Variants in DLGAP2 observed in about 807,000 individuals in gnomAD.
DLGAP2 encodes the protein DLG associated protein 2, also known as disks large-associated protein 2.
In DLGAP2, 26 loss-of-function variants were observed where a neutral mutation model predicts 100.3. The ratio of observed to expected loss-of-function variants is 0.26; its 90% CI spans 0.19 to 0.36. The LOEUF is 0.36. Among genes scored for constraint, DLGAP2 ranks in the 10% least tolerant of loss-of-function variants. The probability of loss-of-function intolerance (pLI) is 1.00; values close to 1 mark genes in which losing one functional copy is unlikely to be tolerated. For missense variants in DLGAP2, 1,858 were observed against 1,453.2 expected, an observed-to-expected ratio of 1.28 and a Z score of -4.53; for synonymous variants, 886 against 630.1, an observed-to-expected ratio of 1.41 and a Z score of -6.08.
intron 8 of DLGAP2, among the ~76,000 whole-genome samples, chr8:1,633,662 C>G (rs1282508333): frequency 6.6e-6 from 1 of 152,128 alleles, no homozygotes; most frequent in Non-Finnish European, 1.5e-5. Context: ...ATTTCTATAA[C>G]ACGATGAATA....
At chr8:1,283,084 A>C (rs1453287118) in intron 3 of DLGAP2, among the ~76,000 whole-genome samples, 3 of 145,890 alleles carry the variant, frequency 2.1e-5, no homozygotes, top group Non-Finnish European at 4.5e-5. Context: ...AAGCATCCAG[A>C]CGTGGTGTGA....
intron 2 of DLGAP2, among the ~76,000 whole-genome samples, chr8:1,172,659 C>A (rs949797235): frequency 9.8e-5 from 15 of 152,296 alleles, no homozygotes; most frequent in African/African-American, 3.6e-4. Flanking sequence ...GATACCCTTT[C>A]TTCCAGTTGA....
At chr8:1,274,392 AGAATATAAACCATAAAATGAGTGACTTT>A (rs1426564647) in intron 3 of DLGAP2, among the ~76,000 whole-genome samples, 7 of 152,168 alleles carry the variant, frequency 4.6e-5, no homozygotes, top group African/African-American at 1.7e-4. Flanking sequence ...AACATGTATA[AGAATATAAACCATAAAATGAGTGACTTT>A]GGATTTGTTT....
intron 1 of DLGAP2, among the ~76,000 whole-genome samples, chr8:817,882 G>A (rs1173578781): frequency 1.3e-5 from 2 of 152,194 alleles, no homozygotes; most frequent in African/African-American, 2.4e-5. Context: ...GGAATGAAAT[G>A]GACTCTGTGA....
At chr8:1,129,780 T>C (rs1796247352) in intron 2 of DLGAP2, among the ~76,000 whole-genome samples, 1 of 152,174 alleles carries the variant, frequency 6.6e-6, no homozygotes, top group Non-Finnish European at 1.5e-5. Context: ...AATCAGTCCT[T>C]GTGGCAGAGG....
rs990508256 is a variant in DLGAP2 at position 986,999 on chromosome 8, G to T, written c.73+79033G>T. Among the ~76,000 whole-genome samples the T allele has an allele frequency of 2.0e-5, 3 of 152,178 alleles. No individual in the cohort carries two copies. The East Asian group carries it at 5.8e-4, about 29-fold the overall frequency. On this transcript the variant is annotated intron_variant, in intron 2 of 14. Coordinates refer to ENST00000637795, the MANE Select transcript of DLGAP2 (RefSeq NM_001346810.2). ...AATGTGGTATCATTTAATGTATACA[G>T]TAATCCACAAGGAGGAAGTAAAAAT...
At chr8:817,278 G>T (rs1796499994) in intron 1 of DLGAP2, among the ~76,000 whole-genome samples, 2 of 151,922 alleles carry the variant, frequency 1.3e-5, no homozygotes, top group African/African-American at 2.4e-5. Flanking sequence ...AGTGCATTTT[G>T]CATTTCTCTA....
chr8:1,586,839 A>G lies in DLGAP2; in HGVS notation c.1442+20945A>G, dbSNP rs140458455. On this transcript the variant is annotated intron_variant, in intron 6 of 14. Transcript: ENST00000637795. ...TCAACCACCAGTCTACTTATTGCCA[A>G]GGTATCTCTTCTTCTGGGTAGCATC... is the stretch of plus-strand genomic sequence containing the variant. Among the ~76,000 whole-genome samples the G allele has an allele frequency of 5.4e-3, 821 of 152,342 alleles. 5 individuals are homozygous for G. Among genetic ancestry groups the G allele is most frequent in the African/African-American group, 0.019 (782 of 41,572 alleles).
chr8:944,543 C>T (rs188976086), intron 2 of DLGAP2, among the ~76,000 whole-genome samples: 9 of 148,594 alleles, frequency 6.1e-5, no homozygotes, highest in South Asian at 2.2e-4. Context: ...GGGTGGCAGT[C>T]GATCCCTGTG....
intron 2 of DLGAP2, among the ~76,000 whole-genome samples, chr8:1,222,742 C>T (rs1450568434): frequency 6.6e-6 from 1 of 152,032 alleles, no homozygotes; most frequent in Non-Finnish European, 1.5e-5. Context: ...GTCAGACGGG[C>T]TCTGCTGGTG....
intron 2 of DLGAP2, among the ~76,000 whole-genome samples, chr8:918,845 C>T (rs374210335): frequency 1.3e-5 from 2 of 152,192 alleles, no homozygotes; most frequent in Admixed American, 6.5e-5. Context: ...GACATCAAAG[C>T]ATATTTTTTG....
At chr8:988,702 G>T (rs1466736841) in intron 2 of DLGAP2, among the ~76,000 whole-genome samples, 1 of 152,074 alleles carries the variant, frequency 6.6e-6, no homozygotes, top group African/African-American at 2.4e-5. Context: ...TGTGTTCCCT[G>T]CCTGCCCTGT....
At chr8:1,672,997 C>G (rs1013589189) in intron 10 of DLGAP2, among the ~76,000 whole-genome samples, 4 of 152,224 alleles carry the variant, frequency 2.6e-5, no homozygotes, top group African/African-American at 9.6e-5. Flanking sequence ...CCTACAGAAG[C>G]TGGGCTCAGA....
At chr8:1,359,337 A>C (rs979875685) in intron 3 of DLGAP2, among the ~76,000 whole-genome samples, 1 of 152,234 alleles carries the variant, frequency 6.6e-6, no homozygotes, top group East Asian at 1.9e-4. Flanking sequence ...AAGAGAGGCC[A>C]GGCACTCCGG....
chr8:1,104,275 C>T (rs937461497), intron 2 of DLGAP2, among the ~76,000 whole-genome samples: 3 of 151,958 alleles, frequency 2.0e-5, no homozygotes, highest in Non-Finnish European at 4.4e-5. Context: ...GACGCCAGCC[C>T]AGTAAAAAGA....
chr8:1,172,846 G>A (rs7812706), intron 2 of DLGAP2, among the ~76,000 whole-genome samples: 28,246 of 151,898 alleles, frequency 0.19, 2,801 homozygotes, highest in Middle Eastern at 0.35. Flanking sequence ...CCTGTAGCTC[G>A]TAGTTTGATC....
At chr8:969,565 T>A (rs1457679154) in intron 2 of DLGAP2, among the ~76,000 whole-genome samples, 1 of 152,110 alleles carries the variant, frequency 6.6e-6, no homozygotes, top group African/African-American at 2.4e-5. Context: ...GATATAAACT[T>A]AAATAATTAT....
At chr8:994,680 C>G (rs1237974979) in intron 2 of DLGAP2, among the ~76,000 whole-genome samples, 5 of 152,174 alleles carry the variant, frequency 3.3e-5, no homozygotes, top group African/African-American at 9.7e-5. Context: ...GGCTGGAACT[C>G]AGCTCTGTAG....
At chr8:993,086 G>A (rs1467462009) in intron 2 of DLGAP2, among the ~76,000 whole-genome samples, 1 of 3,118 alleles carries the variant, frequency 3.2e-4, no homozygotes, top group Non-Finnish European at 5.8e-4. Flanking sequence ...CCCCATACTC[G>A]GAGTTCCTGT....
Sources: gnomAD v4.1 joint callset for allele counts (sites outside exome capture counted in the v4.1 genomes callset) on GRCh38, gnomAD v4.1.1 for gene constraint, MANE v1.5 for transcripts, NCBI Gene and HGNC (gene_info 2026-07-23, HGNC 2026-07-21) for gene names.